Variants in DTNA observed in about 807,000 individuals in gnomAD.
DTNA encodes the protein dystrophin-related protein 3.
In DTNA, 43 loss-of-function variants were observed where a neutral mutation model predicts 100.7. The observed-to-expected ratio is 0.43, with a 90% confidence interval of 0.33 to 0.55. The LOEUF (loss-of-function observed/expected upper bound fraction) is 0.55. DTNA is among the 20% of genes least tolerant of loss of function. The probability of loss-of-function intolerance (pLI) is 0.04; values close to 1 mark genes in which losing one functional copy is unlikely to be tolerated. For missense variants in DTNA, 798 were observed against 953.9 expected, an observed-to-expected ratio of 0.84 and a Z score of 2.15; for synonymous variants, 349 against 347.9, an observed-to-expected ratio of 1.00 and a Z score of -0.04.
intron 1 of DTNA, among the ~76,000 whole-genome samples, chr18:34,728,211 T>C (rs1464970026): frequency 6.6e-6 from 1 of 152,164 alleles, no homozygotes; most frequent in Non-Finnish European, 1.5e-5. Context: ...TTTTATCTTC[T>C]TTTGTATAAT....
intron 1 of DTNA, among the ~76,000 whole-genome samples, chr18:34,541,214 C>T (rs1322448544): frequency 6.6e-6 from 1 of 151,960 alleles, no homozygotes; most frequent in African/African-American, 2.4e-5. Flanking sequence ...CACCATTTTA[C>T]AAGTTGGGTA....
chr18:34,696,272 G>A (rs963332954), intron 1 of DTNA, among the ~76,000 whole-genome samples: 29 of 152,084 alleles, frequency 1.9e-4, no homozygotes, highest in African/African-American at 7.0e-4. Context: ...AAATTAGCGT[G>A]AGTTTTTAAG....
intron 1 of DTNA, among the ~76,000 whole-genome samples, chr18:34,522,374 T>C (rs1313530699): frequency 1.3e-5 from 2 of 152,182 alleles, no homozygotes; most frequent in African/African-American, 4.8e-5. Flanking sequence ...TGAGTACACG[T>C]ATTGTCTCTT....
chr18:34,810,825 AT>A, intron 5 of DTNA, among the ~76,000 whole-genome samples: 1 of 152,276 alleles, frequency 6.6e-6, no homozygotes, highest in South Asian at 2.1e-4. Flanking sequence ...ATGTACATTA[AT>A]TTTTTTACTC....
chr18:34,677,057 A>G (rs1302339005), intron 1 of DTNA, among the ~76,000 whole-genome samples: 1 of 152,180 alleles, frequency 6.6e-6, no homozygotes, highest in Non-Finnish European at 1.5e-5. Flanking sequence ...GCCATGCAGG[A>G]TAGAAGCCAA....
chr18:34,749,582 C>T (rs571659916), intron 1 of DTNA, among the ~76,000 whole-genome samples: 19 of 151,530 alleles, frequency 1.3e-4, no homozygotes, highest in African/African-American at 3.9e-4. Flanking sequence ...AACCAAATCC[C>T]GGATAACCCA....
intron 1 of DTNA, among the ~76,000 whole-genome samples, chr18:34,516,290 A>G (rs545181806): frequency 6.6e-5 from 10 of 152,274 alleles, no homozygotes; most frequent in African/African-American, 2.4e-4. Context: ...TAGGTTGTGC[A>G]TCACAGAGAT....
At chr18:34,710,265 T>G (rs1440893980), upstream of DTNA, 1 of 152,062 alleles carries the variant, frequency 6.6e-6, no homozygotes, top group African/African-American at 2.4e-5. Flanking sequence ...CATGATGAGG[T>G]GTATTAGATT....
chr18:34,503,810 T>G (rs1008230554), intron 1 of DTNA, among the ~76,000 whole-genome samples: 3 of 151,800 alleles, frequency 2.0e-5, no homozygotes, highest in Non-Finnish European at 4.4e-5. Flanking sequence ...TGTTTTTAAG[T>G]GTATCACTGT....
chr18:34,508,876 C>T (rs2040758392), intron 1 of DTNA, among the ~76,000 whole-genome samples: 1 of 152,104 alleles, frequency 6.6e-6, no homozygotes, highest in Non-Finnish European at 1.5e-5. Flanking sequence ...ACCCTTTATA[C>T]ACTTTTTTGA....
In DTNA at chr18:34,832,850, AGT is replaced by A. The variant is rs1470734650; in HGVS notation, c.1175+3365_1175+3366del. ...TGGATTTTTTTATTATATTTAAGTT[AGT>A]GTGATGGCCTCATTACTAGACTATA... On this transcript the variant is annotated intron_variant, in intron 11 of 22. Transcript: ENST00000444659. 6.6e-5 allele frequency among the ~76,000 whole-genome samples: 10 copies of A among 152,324 alleles called. No individual in the cohort carries two copies. The East Asian group carries it at 1.3e-3, about 21-fold the overall frequency.
intron 1 of DTNA, among the ~76,000 whole-genome samples, chr18:34,600,783 G>A (rs999766235): frequency 5.3e-5 from 8 of 152,148 alleles, no homozygotes; most frequent in Admixed American, 3.3e-4. Flanking sequence ...TACTATGGGT[G>A]GTTTCCTCAG....
intron 1 of DTNA, among the ~76,000 whole-genome samples, chr18:34,680,070 C>T (rs1465597556): frequency 1.3e-5 from 2 of 151,896 alleles, no homozygotes; most frequent in East Asian, 1.9e-4. Context: ...TGTTTGAGAT[C>T]GGGATAACGT....
At chr18:34,511,279 C>A (rs2041059720) in intron 1 of DTNA, among the ~76,000 whole-genome samples, 1 of 152,042 alleles carries the variant, frequency 6.6e-6, no homozygotes, top group Middle Eastern at 3.2e-3. Context: ...ATACTTAAGA[C>A]CCATCTGTTA....
In DTNA at chr18:34,848,283, T is replaced by C; in HGVS notation, c.1347-13T>C. 6.2e-7 allele frequency: 1 copy of C among 1,613,856 alleles called. No homozygotes were observed. The highest frequency in any genetic ancestry group is 8.5e-7 in the Non-Finnish European group (1 of 1,179,800). Reference sequence around the variant, plus strand: ...GTTGCCTAACGGTCTCCTTCTTGCTTTGTTCTTAATAGCATGCTTGAGAGT... The same window carrying C: ...GTTGCCTAACGGTCTCCTTCTTGCTCTGTTCTTAATAGCATGCTTGAGAGT... On this transcript the variant is annotated splice_polypyrimidine_tract_variant and intron_variant, in intron 13 of 22. Transcript: ENST00000444659.
intron 2 of DTNA, among the ~76,000 whole-genome samples, chr18:34,763,061 A>G (rs1005533474): frequency 4.6e-5 from 7 of 152,188 alleles, no homozygotes; most frequent in African/African-American, 7.2e-5. Context: ...AAACTTAACT[A>G]TGTGCCACAT....
chr18:34,604,699 T>G (rs1331321323), intron 1 of DTNA, among the ~76,000 whole-genome samples: 1 of 152,200 alleles, frequency 6.6e-6, no homozygotes, highest in Non-Finnish European at 1.5e-5. Context: ...CTTACTTAGA[T>G]TTACAGTACT....
At chr18:34,716,909 A>G (rs1046135554) in intron 1 of DTNA, among the ~76,000 whole-genome samples, 4 of 152,212 alleles carry the variant, frequency 2.6e-5, no homozygotes, top group Non-Finnish European at 5.9e-5. Context: ...GAAATTCAAT[A>G]CCAAATGGTA....
chr18:34,562,779 A>G (rs1484028331), intron 1 of DTNA, among the ~76,000 whole-genome samples: 1 of 152,172 alleles, frequency 6.6e-6, no homozygotes, highest in Non-Finnish European at 1.5e-5. Flanking sequence ...TGTGAAGAAC[A>G]CTAAAGTTAG....
Sources: allele counts gnomAD v4.1 joint callset (sites outside exome capture counted in the v4.1 genomes callset), GRCh38; gene constraint gnomAD v4.1.1; transcripts MANE v1.5; gene names NCBI Gene and HGNC (gene_info 2026-07-23, HGNC 2026-07-21).